Variants in LRBA observed in about 807,000 individuals in gnomAD.
LRBA encodes LPS responsive beige-like anchor protein, also known as lipopolysaccharide-responsive and beige-like anchor protein.
In LRBA, 176 loss-of-function variants were observed where a neutral mutation model predicts 330.0. The observed-to-expected ratio is 0.53, with a 90% CI of 0.47 to 0.60. The LOEUF (loss-of-function observed/expected upper bound fraction) is 0.60, where lower values mean the gene tolerates loss of function less well. Ranked by LOEUF, LRBA falls within the 20% of genes least tolerant of loss-of-function variation. The probability of loss-of-function intolerance (pLI) is 0.00; values close to 1 mark genes in which losing one functional copy is unlikely to be tolerated. For missense variants in LRBA, 3,259 were observed against 3,444.8 expected (o/e 0.95, Z 1.35); for synonymous variants, 1,230 against 1,193.0 (o/e 1.03, Z -0.64).
chr4:150,881,313 C>T (rs1728360167), intron 17 of LRBA, among the ~76,000 whole-genome samples: 1 of 152,212 alleles, frequency 6.6e-6, no homozygotes, highest in Non-Finnish European at 1.5e-5. Flanking sequence ...AATACATATA[C>T]ACCAAAGAAT....
intron 2 of LRBA, among the ~76,000 whole-genome samples, chr4:150,979,226 G>C (rs1270371437): frequency 6.6e-6 from 1 of 152,180 alleles, no homozygotes; most frequent in African/African-American, 2.4e-5. Context: ...CCACATGAGA[G>C]TGGCATGAAT....
At chr4:150,546,204 G>C (rs1402312925) in intron 40 of LRBA, among the ~76,000 whole-genome samples, 2 of 152,016 alleles carry the variant, frequency 1.3e-5, no homozygotes, top group African/African-American at 4.8e-5. Flanking sequence ...ATATTAACAT[G>C]GCCACGCTGC....
At chr4:150,557,547 T>C (rs1391312554) in intron 40 of LRBA, among the ~76,000 whole-genome samples, 2 of 151,986 alleles carry the variant, frequency 1.3e-5, no homozygotes, top group Non-Finnish European at 2.9e-5. Flanking sequence ...TTATATTTAG[T>C]CTTGATGTCT....
chr4:150,404,287 T>A (rs767145425), intron 47 of LRBA, among the ~76,000 whole-genome samples: 1 of 152,206 alleles, frequency 6.6e-6, no homozygotes, highest in Non-Finnish European at 1.5e-5. Context: ...ATCAGCCATC[T>A]GCACAATACC....
intron 31 of LRBA, among the ~76,000 whole-genome samples, chr4:150,810,525 G>C (rs1743568896): frequency 6.6e-6 from 1 of 152,152 alleles, no homozygotes; most frequent in Non-Finnish European, 1.5e-5. Flanking sequence ...CTCTAACCAA[G>C]TGACTGTTGG....
chr4:151,010,023 A>G, intron 2 of LRBA, among the ~76,000 whole-genome samples: 1 of 151,714 alleles, frequency 6.6e-6, no homozygotes, highest in Admixed American at 6.6e-5. Flanking sequence ...AAAATTTTAA[A>G]GAGATGATTT....
At chr4:150,844,626 C>T (rs201586141) in intron 27 of LRBA, 32 bp downstream of exon 27, 11 of 1,567,938 alleles carry the variant, frequency 7.0e-6, no homozygotes, top group Non-Finnish European at 9.5e-6. Flanking sequence ...TAGGAGTATG[C>T]TTTTTGAAAA....
chr4:150,775,902 G>A (rs1474786064), intron 34 of LRBA, among the ~76,000 whole-genome samples: 1 of 150,278 alleles, frequency 6.7e-6, no homozygotes, highest in East Asian at 1.9e-4. Context: ...AGAAGGAGCA[G>A]AGAAGAGAGA....
intron 51 of LRBA, 161 bp from the exon 52 acceptor site, chr4:150,310,545 A>G: frequency 3.9e-6 from 2 of 507,314 alleles, no homozygotes; most frequent in Non-Finnish European, 6.9e-6. Flanking sequence ...CAATTGCTGG[A>G]AAAATGTGGG....
intron 40 of LRBA, among the ~76,000 whole-genome samples, chr4:150,527,495 AG>A (rs1763600299): frequency 1.3e-5 from 2 of 152,222 alleles, no homozygotes. Context: ...TTACCAAACA[AG>A]GGACCAATAA....
At chr4:150,716,638 G>C (rs151088819) in intron 36 of LRBA, among the ~76,000 whole-genome samples, 1 of 151,618 alleles carries the variant, frequency 6.6e-6, no homozygotes, top group African/African-American at 2.4e-5. Flanking sequence ...TTTAAAAATC[G>C]ATCAATGAGG....
At chr4:150,895,329 A>T (rs1261948785) in intron 16 of LRBA, among the ~76,000 whole-genome samples, 6 of 152,070 alleles carry the variant, frequency 3.9e-5, no homozygotes. Context: ...CATGTGCACA[A>T]TGTGCAGGTT....
chr4:150,327,678 C>T (rs569947742), intron 48 of LRBA, among the ~76,000 whole-genome samples: 4 of 152,270 alleles, frequency 2.6e-5, no homozygotes, highest in South Asian at 4.1e-4. Context: ...GTAACAATAC[C>T]TAGTTCACAT....
chr4:150,605,259 A>G (rs1016236443), intron 37 of LRBA, among the ~76,000 whole-genome samples: 10 of 152,186 alleles, frequency 6.6e-5, no homozygotes, highest in African/African-American at 2.2e-4. Flanking sequence ...CTATCATCTC[A>G]CTGGTTTTAG....
At chr4:150,434,076 T>C (rs1179086153) in intron 46 of LRBA, among the ~76,000 whole-genome samples, 1 of 152,194 alleles carries the variant, frequency 6.6e-6, no homozygotes, top group African/African-American at 2.4e-5. Context: ...TACAGTAACA[T>C]ACACATTAGC....
At position 150,683,600 on chromosome 4, in the gene LRBA, T is replaced by A; in HGVS notation, c.5872A>T (p.Ile1958Phe). ...VTATQLIQKI[I>F]NILTDKHGAW... ...CCATGCTTGTCTGTGAGAATGTTGA[T>A]AATTTTCTGGATTAGTTGAGTTGCT... is the stretch of plus-strand genomic sequence containing the variant. The change falls in exon 37 of 57, where the codon ATC becomes TTC. Residue 1958 changes from isoleucine (I) to phenylalanine (F), a missense_variant. Ile to Phe is a conservative substitution (Grantham distance 21, BLOSUM62 0). Coordinates refer to ENST00000651943, the MANE Select transcript of LRBA (RefSeq NM_001364905.1). 6.2e-7 allele frequency: 1 copy of A among 1,614,000 alleles called. No homozygotes were observed.
In LRBA at chr4:150,484,546, C is replaced by G. The variant is rs540634621; in HGVS notation, c.6551+3186G>C. Among the ~76,000 whole-genome samples, 21 of 151,818 alleles carry G rather than the reference C, an allele frequency of 1.4e-4. No homozygotes were observed. In the South Asian group the frequency reaches 3.5e-3, roughly 26 times the overall value. ...TGTGTCTTCTCTTTCTGCATCTTTG[C>G]TAGATATTTACTATTAATACATTTA... is the stretch of plus-strand genomic sequence containing the variant. On this transcript the variant is annotated intron_variant, in intron 42 of 56. Transcript: ENST00000651943.
chr4:150,860,223 A>G (rs1751721636), intron 22 of LRBA, among the ~76,000 whole-genome samples: 1 of 152,226 alleles, frequency 6.6e-6, no homozygotes, highest in African/African-American at 2.4e-5. Flanking sequence ...CATGTATGAA[A>G]CACTAAAATA....
chr4:150,603,923 T>C (rs1455499221), intron 37 of LRBA, among the ~76,000 whole-genome samples: 2 of 152,138 alleles, frequency 1.3e-5, no homozygotes, highest in East Asian at 3.8e-4. Flanking sequence ...TTTATTCTAT[T>C]TCCTAGGCCC....
Sources: allele counts gnomAD v4.1 joint callset (sites outside exome capture counted in the v4.1 genomes callset), GRCh38; gene constraint gnomAD v4.1.1; transcripts MANE v1.5; gene names NCBI Gene and HGNC (gene_info 2026-07-23, HGNC 2026-07-21).